The following TBC1D5 variants were observed in gnomAD, a reference collection of about 807,000 sequenced individuals.
TBC1D5 encodes the protein TBC1 domain family, member 5.
In TBC1D5, 75 loss-of-function variants were observed where a neutral mutation model predicts 100.3. The ratio of observed to expected loss-of-function variants is 0.75; its 90% CI spans 0.62 to 0.91. The LOEUF (loss-of-function observed/expected upper bound fraction) is 0.91. TBC1D5 is among the 40% of genes least tolerant of loss of function. The pLI is 0.00. For synonymous variants in TBC1D5, 323 were observed against 325.6 expected, an observed-to-expected ratio of 0.99 and a Z score of 0.09; for missense variants, 910 against 942.4, an observed-to-expected ratio of 0.97 and a Z score of 0.45.
intron 18 of TBC1D5, among the ~76,000 whole-genome samples, chr3:17,188,231 C>T (rs545424382): frequency 6.6e-6 from 1 of 152,288 alleles, no homozygotes; most frequent in Admixed American, 6.5e-5. Context: ...AAGAGTGTAG[C>T]AGTCCAGGGC....
intron 13 of TBC1D5, among the ~76,000 whole-genome samples, chr3:17,363,963 A>G (rs1409751711): frequency 2.7e-5 from 4 of 148,160 alleles, no homozygotes; most frequent in African/African-American, 1.1e-4. Context: ...TTATTGGACT[A>G]ATTTTTTTTT....
chr3:17,655,784 ATACTCAACT>A (rs1324751564), intron 1 of TBC1D5, among the ~76,000 whole-genome samples: 1 of 152,184 alleles, frequency 6.6e-6, no homozygotes, highest in African/African-American at 2.4e-5. Flanking sequence ...TGGATAAGAA[ATACTCAACT>A]TGCACTAAAA....
At chr3:17,374,921 A>C (rs1559749545) in intron 10 of TBC1D5, among the ~76,000 whole-genome samples, 1 of 152,194 alleles carries the variant, frequency 6.6e-6, no homozygotes, top group Non-Finnish European at 1.5e-5. Flanking sequence ...ATTCCAAATA[A>C]ATACAGAATT....
chr3:17,301,071 A>AG (rs755052118), intron 14 of TBC1D5, among the ~76,000 whole-genome samples: 1,765 of 142,322 alleles, frequency 0.012, 18 homozygotes, highest in Non-Finnish European at 0.019. Context: ...TCCGTCTCAG[A>AG]AAAAAAAAAA....
chr3:17,504,294 G>C (rs1396565918), intron 3 of TBC1D5, among the ~76,000 whole-genome samples: 18 of 25,234 alleles, frequency 7.1e-4, no homozygotes, highest in African/African-American at 2.3e-3. Context: ...GGGGGGAGGG[G>C]GGAGGGGGGA....
At chr3:17,446,785 C>T (rs2094807322) in intron 3 of TBC1D5, among the ~76,000 whole-genome samples, 2 of 152,130 alleles carry the variant, frequency 1.3e-5, no homozygotes. Context: ...TCCTGGCGAA[C>T]ACGGTGAAAC....
chr3:17,258,468 T>C (rs758463054), intron 16 of TBC1D5, 38 bp downstream of exon 16: 63 of 1,580,288 alleles, frequency 4.0e-5, no homozygotes, highest in Non-Finnish European at 5.2e-5. Context: ...GAGACTACCT[T>C]TGTGATTTAT....
chr3:17,406,006 T>C (rs543908361), intron 5 of TBC1D5, among the ~76,000 whole-genome samples: 2 of 152,056 alleles, frequency 1.3e-5, no homozygotes, highest in East Asian at 3.9e-4. Context: ...ATGTGAAAAA[T>C]ATTTTCCAGC....
At chr3:17,227,942 T>C (rs2075070942) in intron 17 of TBC1D5, among the ~76,000 whole-genome samples, 1 of 143,196 alleles carries the variant, frequency 7.0e-6, no homozygotes, top group Admixed American at 7.3e-5. Flanking sequence ...TCTTGGGGAG[T>C]GGAGGATAGT....
At chr3:17,227,491 C>T (rs2075016838) in intron 17 of TBC1D5, among the ~76,000 whole-genome samples, 2 of 151,758 alleles carry the variant, frequency 1.3e-5, no homozygotes, top group South Asian at 4.2e-4. Flanking sequence ...TGAAGGTGCC[C>T]CATTATACAC....
chr3:17,175,648 T>C (rs564003415), intron 19 of TBC1D5, among the ~76,000 whole-genome samples: 14 of 152,370 alleles, frequency 9.2e-5, no homozygotes, highest in Non-Finnish European at 1.5e-4. Flanking sequence ...TTTGCCATCA[T>C]GCCCTTACTT....
intron 13 of TBC1D5, among the ~76,000 whole-genome samples, chr3:17,341,432 A>G (rs542580890): frequency 4.5e-4 from 68 of 152,218 alleles, no homozygotes; most frequent in African/African-American, 1.4e-3. Context: ...TCCTGACCTC[A>G]TGATCCACCC....
chr3:17,705,569 G>A (rs1343666876), intron 1 of TBC1D5, among the ~76,000 whole-genome samples: 4 of 141,448 alleles, frequency 2.8e-5, no homozygotes, highest in Non-Finnish European at 4.7e-5. Flanking sequence ...CCTCCCAGAC[G>A]GGGTCTCGGC....
intron 1 of TBC1D5, among the ~76,000 whole-genome samples, chr3:17,669,894 T>A (rs915816814): frequency 5.3e-5 from 8 of 152,228 alleles, no homozygotes; most frequent in Non-Finnish European, 1.2e-4. Flanking sequence ...TTTGTTTGTT[T>A]GTTTGTTTGA....
intron 4 of TBC1D5, among the ~76,000 whole-genome samples, chr3:17,414,617 C>T (rs1233878027): frequency 6.6e-6 from 1 of 152,080 alleles, no homozygotes; most frequent in Non-Finnish European, 1.5e-5. Flanking sequence ...AAGTGTGGCA[C>T]CAGATATGGG....
intron 1 of TBC1D5, among the ~76,000 whole-genome samples, chr3:17,694,185 T>A (rs1020111850): frequency 3.9e-5 from 6 of 152,132 alleles, no homozygotes; most frequent in Non-Finnish European, 7.3e-5. Context: ...GAGTGCCTCT[T>A]CTCCTCCAAA....
At position 17,658,962 on chromosome 3, in the gene TBC1D5, A is replaced by T. The variant is rs568783188; in HGVS notation, c.-100-35049T>A. Among the ~76,000 whole-genome samples, 88 of 152,276 alleles carry T rather than the reference A, an allele frequency of 5.8e-4. 1 individual carries two copies. Among genetic ancestry groups the T allele is most frequent in the Middle Eastern group, 3.4e-3 (1 of 294 alleles). On this transcript the variant is annotated intron_variant, in intron 1 of 21. Coordinates refer to ENST00000253692, the Ensembl canonical transcript of TBC1D5. The stretch of plus-strand genomic sequence containing the variant: ...TGTGAGTCACTGCGCCCAGCCAGTT[A>T]TGGTTCTTAATACAAGAGAAATCAT...
At chr3:17,178,960 G>A (rs2068122430) in intron 19 of TBC1D5, among the ~76,000 whole-genome samples, 1 of 151,970 alleles carries the variant, frequency 6.6e-6, no homozygotes, top group Non-Finnish European at 1.5e-5. Context: ...TTTTGGAGAC[G>A]TCATCTTGAT....
At chr3:17,177,718 T>C (rs1470665022) in intron 19 of TBC1D5, among the ~76,000 whole-genome samples, 1 of 152,198 alleles carries the variant, frequency 6.6e-6, no homozygotes, top group Non-Finnish European at 1.5e-5. Context: ...CGGAATCCTA[T>C]TGAGATGGCA....
Sources: allele counts gnomAD v4.1 joint callset (sites outside exome capture counted in the v4.1 genomes callset), GRCh38; gene constraint gnomAD v4.1.1; transcripts MANE v1.5; gene names NCBI Gene and HGNC (gene_info 2026-07-23, HGNC 2026-07-21).